The following LINGO2 variants were observed in gnomAD, a reference collection of about 807,000 sequenced individuals.
LINGO2 encodes the protein leucine-rich repeat and immunoglobulin-like domain-containing nogo receptor-interacting protein 2.
A neutral mutation model predicts 30.6 loss-of-function variants in LINGO2; 14 were observed. The ratio of observed to expected loss-of-function variants is 0.46; its 90% CI spans 0.30 to 0.72. The LOEUF (loss-of-function observed/expected upper bound fraction) is 0.72, where lower values mean the gene tolerates loss of function less well. Among genes scored for constraint, LINGO2 ranks in the 30% least tolerant of loss-of-function variants. The pLI, the probability that LINGO2 is intolerant of heterozygous loss-of-function variation, is 0.07. For missense variants in LINGO2, 729 were observed against 751.7 expected (o/e 0.97, Z 0.35); for synonymous variants, 317 against 288.5 (o/e 1.10, Z -1.00).
chr9:29,066,489 C>T, the LINGO2 span, among the ~76,000 whole-genome samples: 3 of 151,910 alleles, frequency 2.0e-5, no homozygotes, highest in African/African-American at 4.8e-5. Context: ...ATCCAAGGTA[C>T]TCAGTGTATT....
chr9:28,977,508 C>T, the LINGO2 span, among the ~76,000 whole-genome samples: 10 of 151,912 alleles, frequency 6.6e-5, no homozygotes, highest in East Asian at 1.9e-4. Flanking sequence ...ATAATAATAG[C>T]GACCTGCATT....
chr9:28,924,365 C>T, the LINGO2 span, among the ~76,000 whole-genome samples: 1 of 152,078 alleles, frequency 6.6e-6, no homozygotes, highest in Non-Finnish European at 1.5e-5. Flanking sequence ...GGACCACAGA[C>T]CCGCACCACC....
At chr9:28,093,244 A>G (rs1020004409) in intron 4 of LINGO2, among the ~76,000 whole-genome samples, 2 of 152,104 alleles carry the variant, frequency 1.3e-5, no homozygotes, top group Non-Finnish European at 2.9e-5. Flanking sequence ...CTCCAGAATG[A>G]AAGGACTCAT....
At chr9:28,855,107 T>C in the LINGO2 span, among the ~76,000 whole-genome samples, 1 of 151,978 alleles carries the variant, frequency 6.6e-6, no homozygotes, top group Non-Finnish European at 1.5e-5. Context: ...CCTTCAGAGA[T>C]TGATAAACGG....
intron 3 of LINGO2, among the ~76,000 whole-genome samples, chr9:28,335,089 A>C (rs1825547697): frequency 6.6e-6 from 1 of 152,076 alleles, no homozygotes; most frequent in African/African-American, 2.4e-5. Context: ...ATTATTTTTA[A>C]ATTCCTTCTC....
the LINGO2 span, among the ~76,000 whole-genome samples, chr9:28,778,847 CA>C: frequency 6.6e-6 from 1 of 152,004 alleles, no homozygotes; most frequent in African/African-American, 2.4e-5. Flanking sequence ...ATTGAAAACA[CA>C]AAAAAAGTTA....
intron 1 of LINGO2, among the ~76,000 whole-genome samples, chr9:28,564,495 A>G (rs974054447): frequency 6.6e-6 from 1 of 151,966 alleles, no homozygotes; most frequent in Non-Finnish European, 1.5e-5. Flanking sequence ...TGTCTCCTCA[A>G]CCTCCTCCAA....
At chr9:28,057,510 CAT>C (rs1824981285) in intron 4 of LINGO2, among the ~76,000 whole-genome samples, 1 of 104,906 alleles carries the variant, frequency 9.5e-6, no homozygotes, top group African/African-American at 3.4e-5. Context: ...TGAATGTATG[CAT>C]ATATGTGTGT....
chr9:28,421,027 C>T (rs13294812), intron 2 of LINGO2, among the ~76,000 whole-genome samples: 44,594 of 151,554 alleles, frequency 0.29, 7,671 homozygotes, highest in Non-Finnish European at 0.38. Context: ...AATAATAAGC[C>T]ATTTAATATC....
At chr9:29,138,986 G>A in the LINGO2 span, among the ~76,000 whole-genome samples, 2 of 152,110 alleles carry the variant, frequency 1.3e-5, no homozygotes, top group South Asian at 2.1e-4. Flanking sequence ...TTACTTCCGG[G>A]ATTAAGTTAC....
At chr9:29,018,658 G>A in the LINGO2 span, among the ~76,000 whole-genome samples, 9 of 152,052 alleles carry the variant, frequency 5.9e-5, no homozygotes, top group Non-Finnish European at 1.2e-4. Flanking sequence ...GCTATTCAGT[G>A]GCTGAGCTGG....
the LINGO2 span, among the ~76,000 whole-genome samples, chr9:28,918,737 CT>C: frequency 2.0e-5 from 3 of 152,222 alleles, no homozygotes; most frequent in East Asian, 1.9e-4. Context: ...GCCCCTGTAC[CT>C]TTTTTTCATT....
the LINGO2 span, among the ~76,000 whole-genome samples, chr9:28,771,080 C>G: frequency 1.3e-5 from 2 of 152,188 alleles, no homozygotes; most frequent in Non-Finnish European, 2.9e-5. Context: ...ACCTACTGGT[C>G]TCCTCTTAAA....
At chr9:28,716,398 G>A in the LINGO2 span, among the ~76,000 whole-genome samples, 2 of 151,996 alleles carry the variant, frequency 1.3e-5, no homozygotes, top group East Asian at 3.9e-4. Flanking sequence ...TTCAGACTAA[G>A]TAAATCTTAT....
chr9:28,902,097 C>A, the LINGO2 span, among the ~76,000 whole-genome samples: 2 of 151,964 alleles, frequency 1.3e-5, no homozygotes, highest in South Asian at 2.1e-4. Context: ...AAAAATAAGA[C>A]CTAACTATAT....
chr9:28,479,929 A>G (rs1267546087), intron 1 of LINGO2, among the ~76,000 whole-genome samples: 7 of 114,542 alleles, frequency 6.1e-5, no homozygotes, highest in African/African-American at 3.1e-4. Context: ...ATATATATAT[A>G]TATATATATA....
the LINGO2 span, among the ~76,000 whole-genome samples, chr9:29,166,213 TTTTC>T: frequency 6.6e-6 from 1 of 152,126 alleles, no homozygotes; most frequent in Non-Finnish European, 1.5e-5. Context: ...TTTTATATAC[TTTTC>T]TTTTTCTCCT....
chr9:28,057,646 T>TA (rs1825000737), intron 4 of LINGO2, among the ~76,000 whole-genome samples: 18 of 150,674 alleles, frequency 1.2e-4, no homozygotes, highest in South Asian at 2.1e-4. Flanking sequence ...TATAAACCTG[T>TA]TCAAGTAAAT....
the LINGO2 span, among the ~76,000 whole-genome samples, chr9:29,177,622 TAAG>T: frequency 6.6e-6 from 1 of 152,212 alleles, no homozygotes; most frequent in African/African-American, 2.4e-5. Context: ...AAATAATATT[TAAG>T]AAGATTTTAT....
Sources: gnomAD v4.1 joint callset for allele counts (sites outside exome capture counted in the v4.1 genomes callset) on GRCh38, gnomAD v4.1.1 for gene constraint, MANE v1.5 for transcripts, NCBI Gene and HGNC (gene_info 2026-07-23, HGNC 2026-07-21) for gene names.